SMYD4: variants seen among roughly 807,000 people sequenced by gnomAD.
The protein encoded by SMYD4 is protein-lysine N-methyltransferase SMYD4.
A neutral mutation model predicts 72.8 loss-of-function variants in SMYD4; 68 were observed. The observed-to-expected ratio is 0.93, with a 90% CI of 0.77 to 1.14. SMYD4 has a LOEUF of 1.14. Among genes scored for constraint, SMYD4 ranks in the 50% most tolerant of loss-of-function variants. The probability of loss-of-function intolerance (pLI) is 0.00; values close to 1 mark genes in which losing one functional copy is unlikely to be tolerated. For synonymous variants in SMYD4, 407 were observed against 388.6 expected (o/e 1.05, Z -0.56); for missense variants, 984 against 1,003.7 (o/e 0.98, Z 0.27).
rs776952672 is a variant in SMYD4 at position 1,812,121 on chromosome 17, T to C, written c.135-6A>G. The C allele has an allele frequency of 1.1e-5, 17 of 1,610,794 alleles. No homozygotes were observed. Among genetic ancestry groups the C allele is most frequent in the African/African-American group, 2.7e-5 (2 of 74,614 alleles). ...GAAACAGCTCATCCTCAGGTCTGCA[T>C]GAAGAAAGGAGGAAACAAAGTAAGC... On this transcript the variant is annotated splice_region_variant and splice_polypyrimidine_tract_variant and intron_variant, in intron 2 of 10. Transcript: ENST00000305513.
chr17:1,825,540 C>A (rs574659005), intron 2 of SMYD4, among the ~76,000 whole-genome samples: 2 of 124,722 alleles, frequency 1.6e-5, no homozygotes, highest in South Asian at 4.9e-4. Context: ...GAGAAATAGT[C>A]TTGTTCTGTC....
At chr17:1,813,393 G>A (rs778453950) in intron 2 of SMYD4, among the ~76,000 whole-genome samples, 1 of 152,082 alleles carries the variant, frequency 6.6e-6, no homozygotes, top group Non-Finnish European at 1.5e-5. Flanking sequence ...TAACACTTGC[G>A]AAATTTGGAA....
chr17:1,790,236 G>C (rs1908947463), intron 5 of SMYD4, among the ~76,000 whole-genome samples: 1 of 152,192 alleles, frequency 6.6e-6, no homozygotes, highest in Non-Finnish European at 1.5e-5. Flanking sequence ...TCAGCTTTGT[G>C]AATTATTTAT....
At chr17:1,805,971 T>G (rs1910011351) in intron 3 of SMYD4, among the ~76,000 whole-genome samples, 1 of 149,924 alleles carries the variant, frequency 6.7e-6, no homozygotes, top group Admixed American at 6.7e-5. Context: ...TCGCCCAGGC[T>G]GGAGTGCAGT....
chr17:1,802,309 A>G (rs1372576001), intron 4 of SMYD4, among the ~76,000 whole-genome samples: 1 of 151,992 alleles, frequency 6.6e-6, no homozygotes, highest in Non-Finnish European at 1.5e-5. Context: ...CGGACAACAC[A>G]GATGAGACCC....
Position 1,800,153 on chromosome 17 carries a change from A to G in SMYD4, c.1241T>C (p.Ile414Thr), listed in dbSNP as rs754748793. 6.2e-7 allele frequency: 1 copy of G among 1,610,774 alleles called. No homozygotes were observed. The highest frequency in any genetic ancestry group is 2.2e-5 in the East Asian group (1 of 44,846). ...IVETPIPGCD[I>T]NGKYENNYNA... Reference sequence around the variant, plus strand: ...ATAATTATTTTCATACTTCCCATTAATATCGCATCCAGGAATTGGGGTCTC... The same window carrying G: ...ATAATTATTTTCATACTTCCCATTAGTATCGCATCCAGGAATTGGGGTCTC... The change falls in exon 5 of 11, where the codon ATT becomes ACT. Residue 414 changes from isoleucine (I) to threonine (T), a missense_variant. By Grantham distance (89) the Ile-to-Thr change is moderately conservative (BLOSUM62 -1). Coordinates refer to ENST00000305513, the MANE Select transcript of SMYD4 (RefSeq NM_052928.3).
Position 1,800,338 on chromosome 17 carries a change from C to T in SMYD4, c.1056G>A (p.Leu352=), listed in dbSNP as rs144470845. The change falls in exon 5 of 11, where the codon CTG becomes CTA. Residue 352 remains leucine (L), a synonymous_variant. Transcript: ENST00000305513. ...LTLGVFCHIA[L]RLTLLVGFED... ...CAAATCCCACCAAAAGAGTCAACCT[C>T]AGGGCAATGTGGCAAAAGACACCCA... 6.2e-7 allele frequency: 1 copy of T among 1,614,022 alleles called. No homozygotes were observed. The highest frequency in any genetic ancestry group is 1.3e-5 in the African/African-American group (1 of 74,912).
chr17:1,821,582 A>C lies in SMYD4; in HGVS notation c.134+6279T>G, dbSNP rs549820362. The stretch of plus-strand genomic sequence containing the variant: ...GGAAGAAGAGAGCAAAATTACATCT[A>C]AAATTATACAAACTCAAGAAAGAGC... On this transcript the variant is annotated intron_variant, in intron 2 of 10. Coordinates refer to ENST00000305513, the MANE Select transcript of SMYD4 (RefSeq NM_052928.3). Among the ~76,000 whole-genome samples, 7 of 152,248 alleles carry C rather than the reference A, an allele frequency of 4.6e-5. No homozygotes were observed. In the South Asian group the frequency reaches 1.5e-3, roughly 32 times the overall value.
rs1343482215 is a variant in SMYD4 at position 1,783,056 on chromosome 17, A to G, written c.2240T>C (p.Leu747Ser). The change falls in exon 10 of 11, where the codon TTG (leucine) becomes TCG (serine). Residue 747 changes from leucine to serine, a missense_variant. Coordinates refer to ENST00000305513, the MANE Select transcript of SMYD4 (RefSeq NM_052928.3). ...SVEMGHELFK[L>S]AQIFFNGFAV... is the part of the protein sequence containing the mutation. ...TCACCCGTTGAAAAAGATCTGGGCC[A>G]ATTTGAAGAGCTCATGGCCCATTTC... 2 of 1,614,056 alleles carry G rather than the reference A, an allele frequency of 1.2e-6. No homozygotes were observed. Among genetic ancestry groups the G allele is most frequent in the African/African-American group, 2.7e-5 (2 of 74,946 alleles).
Position 1,794,085 on chromosome 17 carries a change from A to G in SMYD4, c.1537+5772T>C, listed in dbSNP as rs1329619555. Among the ~76,000 whole-genome samples, 69 of 20,038 alleles carry G rather than the reference A, an allele frequency of 3.4e-3. 4 individuals carry two copies. The highest frequency in any genetic ancestry group is 0.012 in the African/African-American group (54 of 4,534). The allele number at this position is 20,038 out of a possible 152,430, so 13.1% of individuals were successfully genotyped here. A position where few individuals can be genotyped will look rare whatever the true frequency, so the allele number is the denominator to read the frequency against. On this transcript the variant is annotated intron_variant, in intron 5 of 10. Transcript: ENST00000305513. ...TATATATGTGTATATATATGTGTATATATATATATATATATATATATTTTT... is the reference window on the plus strand; with the variant it reads ...TATATATGTGTATATATATGTGTATGTATATATATATATATATATATTTTT...
In SMYD4 at chr17:1,787,528, C is replaced by A; in HGVS notation, c.1614G>T (p.Leu538=). ...ATGIFPVISL[L]NHSCSPNTSV... ...TGGTGTTGGGGCTACAGGAGTGGTTCAGGAGGCTGATAACAGGGAAGATGC... is the reference window on the plus strand; with the variant it reads ...TGGTGTTGGGGCTACAGGAGTGGTTAAGGAGGCTGATAACAGGGAAGATGC... The change falls in exon 6 of 11, where the codon CTG becomes CTT. Residue 538 remains leucine, a synonymous_variant. Coordinates refer to ENST00000305513, the MANE Select transcript of SMYD4 (RefSeq NM_052928.3). 2 of 1,592,728 alleles carry A rather than the reference C, an allele frequency of 1.3e-6. No individual in the cohort carries two copies. The highest frequency in any genetic ancestry group is 1.7e-4 in the Middle Eastern group (1 of 5,932).
intron 3 of SMYD4, among the ~76,000 whole-genome samples, chr17:1,808,387 T>A (rs1248236764): frequency 6.6e-6 from 1 of 152,176 alleles, no homozygotes; most frequent in African/African-American, 2.4e-5. Flanking sequence ...AGTGCAGCAT[T>A]ATCCCAATTT....
At position 1,800,739 on chromosome 17, in the gene SMYD4, C is replaced by A. The variant is rs2151234830; in HGVS notation, c.655G>T (p.Ala219Ser). The A allele has an allele frequency of 6.2e-7, 1 of 1,614,226 alleles. No homozygotes were observed. The highest frequency in any genetic ancestry group is 1.1e-5 in the South Asian group (1 of 91,084). Reference sequence around the variant, plus strand: ...TGTTCATTCTCCTCCCTCAGCGCTGCATCCTCAAGGGTTTTGGCCAGAGCT... The same window carrying A: ...TGTTCATTCTCCTCCCTCAGCGCTGAATCCTCAAGGGTTTTGGCCAGAGCT... ...PAALAKTLED[A>S]ALREENEQLS... The change falls in exon 5 of 11, where the codon GCA (alanine) becomes TCA (serine). Residue 219 changes from alanine to serine, a missense_variant. Ala to Ser is a moderately conservative substitution (Grantham distance 99, BLOSUM62 1). Transcript: ENST00000305513.
intron 2 of SMYD4, among the ~76,000 whole-genome samples, chr17:1,816,852 T>C (rs891780260): frequency 2.4e-4 from 37 of 152,164 alleles, no homozygotes; most frequent in Middle Eastern, 6.8e-3. Flanking sequence ...GTCTACTGGC[T>C]ATTTGTGTAT....
chr17:1,793,459 G>A (rs952925922), intron 5 of SMYD4, among the ~76,000 whole-genome samples: 3 of 151,668 alleles, frequency 2.0e-5, no homozygotes, highest in South Asian at 2.1e-4. Context: ...GTGGCACCTG[G>A]TCTTTTATCC....
chr17:1,798,492 G>C (rs1268792709), intron 5 of SMYD4, among the ~76,000 whole-genome samples: 1 of 152,118 alleles, frequency 6.6e-6, no homozygotes, highest in Non-Finnish European at 1.5e-5. Flanking sequence ...GTTGAGTGCA[G>C]TGGTTCACAC....
chr17:1,798,769 G>A (rs1377144577), intron 5 of SMYD4, among the ~76,000 whole-genome samples: 1 of 151,684 alleles, frequency 6.6e-6, no homozygotes, highest in South Asian at 2.1e-4. Context: ...GCATGGTGGC[G>A]CATGCTTGTA....
At chr17:1,819,873 C>T (rs533984058) in intron 2 of SMYD4, among the ~76,000 whole-genome samples, 85 of 152,054 alleles carry the variant, frequency 5.6e-4, no homozygotes, top group African/African-American at 1.7e-3. Context: ...CTGCAACCTT[C>T]GCCTCTGGGG....
At chr17:1,826,856 A>T (rs1911205456) in intron 2 of SMYD4, among the ~76,000 whole-genome samples, 1 of 152,192 alleles carries the variant, frequency 6.6e-6, no homozygotes, top group Non-Finnish European at 1.5e-5. Context: ...TTTTGTCTAT[A>T]GAAAGACAAA....
Sources: allele counts gnomAD v4.1 joint callset (sites outside exome capture counted in the v4.1 genomes callset), GRCh38; gene constraint gnomAD v4.1.1; transcripts MANE v1.5; gene names NCBI Gene and HGNC (gene_info 2026-07-23, HGNC 2026-07-21).